Variants in METTL8 observed in about 807,000 individuals in gnomAD.
METTL8 encodes tRNA N(3)-cytidine methyltransferase METTL8, mitochondrial.
In METTL8, 32 loss-of-function variants were observed where a neutral mutation model predicts 48.7. The observed-to-expected ratio is 0.66, with a 90% CI of 0.50 to 0.88. The LOEUF (loss-of-function observed/expected upper bound fraction) is 0.88, where lower values mean the gene tolerates loss of function less well. METTL8 is among the 40% of genes least tolerant of loss of function. The pLI is 0.00. For missense variants in METTL8, 464 were observed against 474.4 expected, an observed-to-expected ratio of 0.98 and a Z score of 0.20; for synonymous variants, 136 against 157.1, an observed-to-expected ratio of 0.87 and a Z score of 1.01.
At chr2:171,377,099 G>C (rs1015468421) in intron 2 of METTL8, among the ~76,000 whole-genome samples, 2 of 152,090 alleles carry the variant, frequency 1.3e-5, no homozygotes, top group African/African-American at 4.8e-5. Context: ...CCAGGGAAAG[G>C]ATACTCTATT....
At chr2:171,380,986 T>C (rs1340662113) in intron 2 of METTL8, among the ~76,000 whole-genome samples, 1 of 152,222 alleles carries the variant, frequency 6.6e-6, no homozygotes, top group African/African-American at 2.4e-5. Context: ...TCATGCTACC[T>C]GACTTCAAAC....
At chr2:171,387,898 C>G (rs2105551706) in intron 2 of METTL8, among the ~76,000 whole-genome samples, 1 of 152,232 alleles carries the variant, frequency 6.6e-6, no homozygotes, top group Non-Finnish European at 1.5e-5. Context: ...AGATGCTGTT[C>G]CAGAGGCTAG....
In METTL8 at chr2:171,337,510, CA is replaced by C. The variant is rs773622626; in HGVS notation, c.607-9del. 1.4e-5 allele frequency: 23 copies of C among 1,600,314 alleles called. No homozygotes were observed. In the African/African-American group the frequency reaches 2.5e-4, roughly 18 times the overall value. Reference sequence around the variant, plus strand: ...TCCAGCTCCACAACCAACCTAAAATCAAAAGAACAAGCAAATATCAAAAAAA... The same window carrying C: ...TCCAGCTCCACAACCAACCTAAAATCAAAGAACAAGCAAATATCAAAAAAA... On this transcript the variant is annotated splice_polypyrimidine_tract_variant and intron_variant, in intron 4 of 9. Coordinates refer to ENST00000375258, the MANE Select transcript of METTL8 (RefSeq NM_001321154.2).
At position 171,339,507 on chromosome 2, in the gene METTL8, T is replaced by G; in HGVS notation, c.283A>C (p.Ile95Leu). The G allele has an allele frequency of 1.2e-6, 2 of 1,606,558 alleles. No individual in the cohort carries two copies. Among genetic ancestry groups the G allele is most frequent in the Non-Finnish European group, 1.7e-6 (2 of 1,173,990 alleles). Residue 95 changes from isoleucine (I) to leucine (L), a missense_variant, in exon 4 of 10, where the codon ATT becomes CTT. Ile to Leu is a conservative substitution (Grantham distance 5, BLOSUM62 2). Transcript: ENST00000375258. ...TCCTTGAAAAACTTATTCTTATGAA[T>G]CTTGTAAAATGTGTCCCAGTATTTA... ...ASKYWDTFYK[I>L]HKNKFFKDRN...
intron 2 of METTL8, among the ~76,000 whole-genome samples, chr2:171,390,427 T>C (rs1217528874): frequency 2.0e-5 from 3 of 152,220 alleles, no homozygotes; most frequent in African/African-American, 7.2e-5. Context: ...CTGCCATAAA[T>C]AGTAATTCCT....
At chr2:171,405,707 C>T (rs1016406438) in intron 1 of METTL8, among the ~76,000 whole-genome samples, 4 of 151,992 alleles carry the variant, frequency 2.6e-5, no homozygotes, top group African/African-American at 9.7e-5. Flanking sequence ...AAATTGCTGA[C>T]AAAACAAGTT....
chr2:171,409,901 C>T (rs2105619023), intron 1 of METTL8, among the ~76,000 whole-genome samples: 1 of 152,252 alleles, frequency 6.6e-6, no homozygotes, highest in East Asian at 1.9e-4. Context: ...TTGTAATTGT[C>T]TACGGTCAGG....
intron 2 of METTL8, among the ~76,000 whole-genome samples, chr2:171,376,004 C>T (rs1686925638): frequency 6.6e-6 from 1 of 152,170 alleles, no homozygotes; most frequent in South Asian, 2.1e-4. Flanking sequence ...GTATTTTCTG[C>T]ATTTTTCTGT....
Position 171,341,804 on chromosome 2 carries a change from C to T in METTL8, c.236-2250G>A, listed in dbSNP as rs117008287. Among the ~76,000 whole-genome samples, 97 of 151,016 alleles carry T rather than the reference C, an allele frequency of 6.4e-4. 1 individual carries two copies. The East Asian group carries it at 0.018, about 28-fold the overall frequency. On this transcript the variant is annotated intron_variant, in intron 3 of 9. Coordinates refer to ENST00000375258, the MANE Select transcript of METTL8 (RefSeq NM_001321154.2). ...CACTCATTAAAATAAGAAGAAAATA[C>T]GCATGTATGGTTACATAGAAATATT...
intron 5 of METTL8, 55 bp downstream of exon 5, chr2:171,337,398 C>T: frequency 7.4e-7 from 1 of 1,349,554 alleles, no homozygotes; most frequent in Non-Finnish European, 1.0e-6. Context: ...CCCAGAATTT[C>T]TCAACATTCC....
chr2:171,345,948 A>G (rs1277258084), intron 3 of METTL8, among the ~76,000 whole-genome samples: 5 of 152,248 alleles, frequency 3.3e-5, no homozygotes, highest in Admixed American at 2.6e-4. Flanking sequence ...AATAAATTAC[A>G]AAAAGGAAAT....
chr2:171,324,294 G>C lies in METTL8; in HGVS notation c.1102C>G (p.Gln368Glu). 1 of 1,551,606 alleles carries C rather than the reference G, an allele frequency of 6.4e-7. No homozygotes were observed. Among genetic ancestry groups the C allele is most frequent in the Non-Finnish European group, 8.7e-7 (1 of 1,146,982 alleles). ...EKQNLVDRRL[Q>E]VNRKKQVKMH... ...TTCACTTGTTTTTTCCTATTAACTTGTAAGCGGCGATCAACCAGATTTTGC... is the reference window on the plus strand; with the variant it reads ...TTCACTTGTTTTTTCCTATTAACTTCTAAGCGGCGATCAACCAGATTTTGC... The change falls in exon 10 of 10, where the codon CAA (glutamine) becomes GAA (glutamate). Residue 368 changes from glutamine (Q) to glutamate (E), a missense_variant. Transcript: ENST00000375258.
At chr2:171,416,774 G>C (rs1251367430) in intron 1 of METTL8, among the ~76,000 whole-genome samples, 2 of 152,180 alleles carry the variant, frequency 1.3e-5, no homozygotes, top group Non-Finnish European at 2.9e-5. Context: ...GCTGAGGCTC[G>C]AGCACTTGGT....
chr2:171,425,152 C>A (rs955996466), intron 1 of METTL8, among the ~76,000 whole-genome samples: 2 of 152,178 alleles, frequency 1.3e-5, no homozygotes, highest in African/African-American at 2.4e-5. Context: ...GAGGCCTCCC[C>A]AGCCATGAGG....
At chr2:171,354,823 G>C (rs1684347246) in intron 3 of METTL8, among the ~76,000 whole-genome samples, 1 of 152,036 alleles carries the variant, frequency 6.6e-6, no homozygotes, top group African/African-American at 2.4e-5. Context: ...GTCTTTTAAG[G>C]ACTTCTCTAC....
intron 9 of METTL8, among the ~76,000 whole-genome samples, chr2:171,325,180 A>G (rs1684824195): frequency 6.7e-6 from 1 of 148,794 alleles, no homozygotes; most frequent in African/African-American, 2.5e-5. Flanking sequence ...CCTTCTTTCT[A>G]TTTTGAAAAT....
chr2:171,405,895 G>A (rs1169927944), intron 1 of METTL8, among the ~76,000 whole-genome samples: 4 of 152,144 alleles, frequency 2.6e-5, no homozygotes, highest in Non-Finnish European at 5.9e-5. Context: ...GTAAGAGGCT[G>A]TAAGGTAGGG....
intron 7 of METTL8, among the ~76,000 whole-genome samples, chr2:171,327,614 T>C (rs1575714317): frequency 6.6e-6 from 1 of 152,174 alleles, no homozygotes; most frequent in African/African-American, 2.4e-5. Context: ...TTATGTCATG[T>C]TATGAAGGAA....
intron 6 of METTL8, among the ~76,000 whole-genome samples, chr2:171,331,109 G>A (rs1376050829): frequency 6.6e-6 from 1 of 152,004 alleles, no homozygotes; most frequent in African/African-American, 2.4e-5. Flanking sequence ...GTGTGTTGTT[G>A]GCCTTTCTTT....
Sources: allele counts gnomAD v4.1 joint callset (sites outside exome capture counted in the v4.1 genomes callset), GRCh38; gene constraint gnomAD v4.1.1; transcripts MANE v1.5; gene names NCBI Gene and HGNC (gene_info 2026-07-23, HGNC 2026-07-21).